Variants in GRM1 observed in about 807,000 individuals in gnomAD.
GRM1 encodes the protein glutamate metabotropic receptor 1.
Under a neutral mutation model 90.9 loss-of-function variants are expected in GRM1, and 33 were observed. That is an observed-to-expected ratio of 0.36 (90% CI 0.28 to 0.49). GRM1 has a LOEUF of 0.49. Among genes scored for constraint, GRM1 ranks in the 20% least tolerant of loss-of-function variants. GRM1 has a pLI of 0.99. For synonymous variants in GRM1, 700 were observed against 613.2 expected, an observed-to-expected ratio of 1.14 and a Z score of -2.09; for missense variants, 1,190 against 1,534.3, an observed-to-expected ratio of 0.78 and a Z score of 3.75.
At chr6:146,377,894 T>A (rs1776168347) in intron 5 of GRM1, among the ~76,000 whole-genome samples, 1 of 152,102 alleles carries the variant, frequency 6.6e-6, no homozygotes, top group South Asian at 2.1e-4. Flanking sequence ...TTAAACCTGG[T>A]GTTGGGTTTG....
At chr6:146,174,319 C>T (rs967541305) in intron 2 of GRM1, among the ~76,000 whole-genome samples, 6 of 152,006 alleles carry the variant, frequency 3.9e-5, no homozygotes, top group African/African-American at 1.5e-4. Flanking sequence ...TTATGGGCTT[C>T]TGGATTTAGC....
intron 1 of GRM1, among the ~76,000 whole-genome samples, chr6:146,032,335 A>G (rs1582902459): frequency 6.6e-6 from 1 of 152,180 alleles, no homozygotes; most frequent in East Asian, 1.9e-4. Flanking sequence ...TGCCATTCAT[A>G]TATAATACCT....
chr6:146,027,970 TG>T (rs920740908), upstream of GRM1: 3 of 152,350 alleles, frequency 2.0e-5, no homozygotes, highest in Non-Finnish European at 4.4e-5. Flanking sequence ...TCGGGACCAA[TG>T]GGTGCCTGGG....
At chr6:146,027,933 CT>C (rs1395778325), upstream of GRM1, 2 of 152,306 alleles carry the variant, frequency 1.3e-5, no homozygotes, top group African/African-American at 4.8e-5. Flanking sequence ...TTATGTATTT[CT>C]TTTCGTCCTG....
intron 2 of GRM1, among the ~76,000 whole-genome samples, chr6:146,247,667 T>C (rs865923127): frequency 6.6e-6 from 1 of 150,558 alleles, no homozygotes; most frequent in South Asian, 2.1e-4. Flanking sequence ...AGGAGAATCA[T>C]TAGGACCCGG....
At chr6:146,312,297 C>A (rs536821902) in intron 3 of GRM1, among the ~76,000 whole-genome samples, 5 of 137,662 alleles carry the variant, frequency 3.6e-5, no homozygotes, top group African/African-American at 5.5e-5. Context: ...GCTGACATAG[C>A]GCCACTGCAG....
chr6:146,411,099 C>A (rs916687956), intron 7 of GRM1, among the ~76,000 whole-genome samples: 4 of 152,190 alleles, frequency 2.6e-5, no homozygotes, highest in Non-Finnish European at 4.4e-5. Context: ...AAACTGAAAT[C>A]TAGCTAGTAG....
At chr6:146,076,838 T>C (rs1776203128) in intron 1 of GRM1, among the ~76,000 whole-genome samples, 1 of 152,148 alleles carries the variant, frequency 6.6e-6, no homozygotes, top group East Asian at 1.9e-4. Flanking sequence ...GTCAAATACA[T>C]TAACCCAGCT....
Position 146,418,836 on chromosome 6 carries a change from A to G in GRM1, c.2661-15036A>G, listed in dbSNP as rs1777881974. 2.6e-5 allele frequency among the ~76,000 whole-genome samples: 4 copies of G among 152,170 alleles called. No individual in the cohort carries two copies. The South Asian group carries it at 8.3e-4, about 32-fold the overall frequency. Reference sequence around the variant, plus strand: ...GGCAGTCCCAATTTATCCCTTTTTTATGGCTTAATTATAAAGAAAACTTCT... The same window carrying G: ...GGCAGTCCCAATTTATCCCTTTTTTGTGGCTTAATTATAAAGAAAACTTCT... On this transcript the variant is annotated intron_variant, in intron 7 of 7. Coordinates refer to ENST00000282753, the MANE Select transcript of GRM1 (RefSeq NM_001278064.2).
chr6:146,149,343 A>G (rs925679464), intron 1 of GRM1, among the ~76,000 whole-genome samples: 1 of 152,200 alleles, frequency 6.6e-6, no homozygotes, highest in Non-Finnish European at 1.5e-5. Flanking sequence ...TAAAGAAACA[A>G]TCATGAGCTT....
intron 7 of GRM1, among the ~76,000 whole-genome samples, chr6:146,431,181 G>A (rs1347326266): frequency 6.6e-6 from 1 of 152,182 alleles, no homozygotes; most frequent in African/African-American, 2.4e-5. Context: ...CCTGAGGTGT[G>A]AGATCTGTTT....
intron 5 of GRM1, among the ~76,000 whole-genome samples, chr6:146,379,318 A>T (rs1210682097): frequency 6.6e-6 from 1 of 152,056 alleles, no homozygotes; most frequent in Non-Finnish European, 1.5e-5. Flanking sequence ...TCCTGTCTTT[A>T]AACTCACTAA....
intron 5 of GRM1, among the ~76,000 whole-genome samples, chr6:146,367,317 G>A (rs1431850401): frequency 1.3e-5 from 2 of 152,084 alleles, no homozygotes; most frequent in African/African-American, 4.8e-5. Flanking sequence ...TGTAGTGTAT[G>A]TTGAAGTCAG....
At position 146,399,362 on chromosome 6, in the gene GRM1, C is replaced by T. The variant is rs772535572; in HGVS notation, c.2323C>T (p.Arg775Cys). The T allele has an allele frequency of 2.5e-6, 4 of 1,613,998 alleles. No homozygotes were observed. Among genetic ancestry groups the T allele is most frequent in the Admixed American group, 1.7e-5 (1 of 60,002 alleles). Reference protein sequence around the residue: ...MSCTYYAFKTRNVPANFNEAK... With the variant: ...MSCTYYAFKTCNVPANFNEAK... ...CTGTACCTACTATGCCTTCAAGACC[C>T]GCAACGTGCCCGCCAACTTCAACGA... Residue 775 changes from arginine to cysteine, a missense_variant, in exon 7 of 8, where the codon CGC (arginine) becomes TGC (cysteine). By Grantham distance (180) the Arg-to-Cys change is radical. Around this residue, in one of 10 missense-constraint regions of GRM1, gnomAD observed 73 missense variants for 150.6 expected, o/e 0.48. Coordinates refer to ENST00000282753, the MANE Select transcript of GRM1 (RefSeq NM_001278064.2). The surrounding 1 kb of genome is among the most constrained non-coding windows in gnomAD (Gnocchi z 5.4).
At chr6:146,245,592 A>G (rs1356686577) in intron 2 of GRM1, among the ~76,000 whole-genome samples, 1 of 152,188 alleles carries the variant, frequency 6.6e-6, no homozygotes, top group Non-Finnish European at 1.5e-5. Context: ...AAGATTATAA[A>G]GAGTAGTTAA....
At chr6:146,278,641 G>A (rs1263117868) in intron 2 of GRM1, among the ~76,000 whole-genome samples, 10 of 152,034 alleles carry the variant, frequency 6.6e-5, no homozygotes, top group African/African-American at 2.2e-4. Flanking sequence ...AAAATTAGCC[G>A]GGTGTGGTGG....
At chr6:146,322,206 T>C (rs1013737553) in intron 3 of GRM1, among the ~76,000 whole-genome samples, 1 of 152,202 alleles carries the variant, frequency 6.6e-6, no homozygotes, top group African/African-American at 2.4e-5. Context: ...CAGACCCTGT[T>C]TGCCTGGGTA....
At chr6:146,192,820 G>A (rs1418142221) in intron 2 of GRM1, among the ~76,000 whole-genome samples, 1 of 152,106 alleles carries the variant, frequency 6.6e-6, no homozygotes, top group Non-Finnish European at 1.5e-5. Context: ...TGGTCTGACT[G>A]ACATTTTAAA....
At chr6:146,037,009 A>G (rs1403070530) in intron 1 of GRM1, among the ~76,000 whole-genome samples, 2 of 152,012 alleles carry the variant, frequency 1.3e-5, no homozygotes, top group Non-Finnish European at 2.9e-5. Flanking sequence ...GAAAATGTTT[A>G]ATTACTGTTT....
Sources: allele counts gnomAD v4.1 joint callset (sites outside exome capture counted in the v4.1 genomes callset), GRCh38; gene constraint gnomAD v4.1.1; regional missense constraint gnomAD v4.1.1; non-coding constraint Gnocchi (gnomAD v3.1); transcripts MANE v1.5; gene names NCBI Gene and HGNC (gene_info 2026-07-23, HGNC 2026-07-21).